Variants in AUTS2 observed in about 807,000 individuals in gnomAD.
The protein encoded by AUTS2 is activator of transcription and developmental regulator AUTS2.
Under a neutral mutation model 112.4 loss-of-function variants are expected in AUTS2, and 17 were observed. The ratio of observed to expected loss-of-function variants is 0.15; its 90% confidence interval spans 0.10 to 0.23. The LOEUF (loss-of-function observed/expected upper bound fraction) is 0.23. AUTS2 is among the 10% of genes least tolerant of loss of function. The probability of loss-of-function intolerance (pLI) is 1.00; values close to 1 mark genes in which losing one functional copy is unlikely to be tolerated. For synonymous variants in AUTS2, 751 were observed against 702.7 expected (o/e 1.07, Z -1.09); for missense variants, 1,510 against 1,701.6 (o/e 0.89, Z 1.98).
At chr7:70,514,386 C>T (rs1290423214) in intron 5 of AUTS2, among the ~76,000 whole-genome samples, 1 of 152,198 alleles carries the variant, frequency 6.6e-6, no homozygotes, top group East Asian at 1.9e-4. Flanking sequence ...ACAAGCATGG[C>T]ACCAGCATAT....
At chr7:70,772,161 G>A (rs950438447) in intron 11 of AUTS2, among the ~76,000 whole-genome samples, 1 of 152,142 alleles carries the variant, frequency 6.6e-6, no homozygotes, top group Non-Finnish European at 1.5e-5. Context: ...CGGCAGGTGG[G>A]GTGGTCGCCT....
chr7:70,775,062 G>A (rs1200344834), intron 12 of AUTS2: 2 of 420,440 alleles, frequency 4.8e-6, no homozygotes, highest in Non-Finnish European at 8.4e-6. Flanking sequence ...TCAAAACAGT[G>A]AAACTCCTGG....
intron 4 of AUTS2, among the ~76,000 whole-genome samples, chr7:70,222,773 G>A (rs1450263333): frequency 6.6e-6 from 1 of 151,884 alleles, no homozygotes; most frequent in African/African-American, 2.4e-5. Flanking sequence ...AGGAGAACTG[G>A]CTTTTATTGC....
chr7:70,472,000 C>G (rs1237674569), intron 5 of AUTS2, among the ~76,000 whole-genome samples: 1 of 152,124 alleles, frequency 6.6e-6, no homozygotes, highest in Non-Finnish European at 1.5e-5. Flanking sequence ...CTGGAGTCTG[C>G]CTTTGCCCTC....
At chr7:69,674,844 G>A (rs1352246824) in intron 1 of AUTS2, among the ~76,000 whole-genome samples, 1 of 152,158 alleles carries the variant, frequency 6.6e-6, no homozygotes, top group Non-Finnish European at 1.5e-5. Flanking sequence ...ATGCTCTGTG[G>A]TGAGGCTGTG....
At chr7:70,102,179 C>T (rs1185032966) in intron 2 of AUTS2, among the ~76,000 whole-genome samples, 6 of 142,090 alleles carry the variant, frequency 4.2e-5, no homozygotes, top group Admixed American at 1.5e-4. Flanking sequence ...AGTGCAGTGG[C>T]GTGATCTCGG....
At chr7:70,591,109 G>T (rs1161714270) in intron 5 of AUTS2, among the ~76,000 whole-genome samples, 1 of 152,176 alleles carries the variant, frequency 6.6e-6, no homozygotes, top group African/African-American at 2.4e-5. Flanking sequence ...TGTGTGACTT[G>T]AGTAAGGCTC....
intron 1 of AUTS2, among the ~76,000 whole-genome samples, chr7:69,643,026 A>G (rs1794860273): frequency 6.6e-6 from 1 of 152,192 alleles, no homozygotes; most frequent in East Asian, 1.9e-4. Context: ...CTATGGAAGC[A>G]TAAGCTACTG....
rs563318362 is a variant in AUTS2, at chr7:70,173,798, A to C, written c.660+39227A>C. 8.4e-5 allele frequency among the ~76,000 whole-genome samples: 9 copies of C among 106,622 alleles called. No homozygotes were observed. In the East Asian group the frequency reaches 2.5e-3, roughly 30 times the overall value. The allele number at this position is 106,622 out of a possible 152,430, so 69.9% of individuals were successfully genotyped here. A position where few individuals can be genotyped will look rare whatever the true frequency, so the allele number is the denominator to read the frequency against. On this transcript the variant is annotated intron_variant, in intron 4 of 18. Coordinates refer to ENST00000342771, the MANE Select transcript of AUTS2 (RefSeq NM_015570.4). ...CAGTGATCTTTGATGTTACTATTTT[A>C]GTTATTTTGGAGTGACATAAACCTC... is the stretch of plus-strand genomic sequence containing the variant.
intron 1 of AUTS2, among the ~76,000 whole-genome samples, chr7:69,854,992 T>C (rs1792654307): frequency 6.6e-6 from 1 of 152,216 alleles, no homozygotes; most frequent in African/African-American, 2.4e-5. Flanking sequence ...CATGGTCTAC[T>C]GTTTACTTTT....
chr7:70,027,155 A>G (rs1186318066), intron 2 of AUTS2, among the ~76,000 whole-genome samples: 5 of 152,056 alleles, frequency 3.3e-5, no homozygotes, highest in African/African-American at 4.8e-5. Flanking sequence ...TTGACTTTTG[A>G]TATTTTCAAC....
intron 1 of AUTS2, among the ~76,000 whole-genome samples, chr7:69,832,820 C>G (rs935095382): frequency 6.6e-6 from 1 of 152,088 alleles, no homozygotes; most frequent in South Asian, 2.1e-4. Flanking sequence ...CTAACAACAA[C>G]AAAAACATTA....
At chr7:70,189,934 G>A (rs964503100) in intron 4 of AUTS2, among the ~76,000 whole-genome samples, 3 of 152,112 alleles carry the variant, frequency 2.0e-5, no homozygotes, top group South Asian at 4.2e-4. Flanking sequence ...TGAAGGGCTC[G>A]TTTGGCCTTG....
chr7:70,346,977 G>C (rs779578197), intron 4 of AUTS2, among the ~76,000 whole-genome samples: 1 of 152,178 alleles, frequency 6.6e-6, no homozygotes, highest in Non-Finnish European at 1.5e-5. Flanking sequence ...GTTCAGCCAA[G>C]AGTCCGTGCC....
intron 2 of AUTS2, among the ~76,000 whole-genome samples, chr7:70,006,016 A>T (rs1297536571): frequency 6.6e-6 from 1 of 152,168 alleles, no homozygotes; most frequent in African/African-American, 2.4e-5. Flanking sequence ...AAGTGGAAAC[A>T]AATGCACGCA....
At chr7:70,386,924 T>A (rs1362235861) in intron 4 of AUTS2, among the ~76,000 whole-genome samples, 1 of 152,174 alleles carries the variant, frequency 6.6e-6, no homozygotes, top group Non-Finnish European at 1.5e-5. Flanking sequence ...TTTCCTCCTA[T>A]TTCTTCTTAT....
chr7:69,718,084 G>A (rs1481491871), intron 1 of AUTS2, among the ~76,000 whole-genome samples: 1 of 152,104 alleles, frequency 6.6e-6, no homozygotes, highest in Non-Finnish European at 1.5e-5. Context: ...TATGTTGTTG[G>A]TTTGGATAGA....
intron 5 of AUTS2, among the ~76,000 whole-genome samples, chr7:70,441,126 G>A (rs1294232696): frequency 6.6e-6 from 1 of 152,162 alleles, no homozygotes; most frequent in African/African-American, 2.4e-5. Context: ...TATACATGCA[G>A]TACACACATA....
intron 2 of AUTS2, among the ~76,000 whole-genome samples, chr7:69,971,600 C>T (rs960515867): frequency 7.2e-5 from 11 of 152,132 alleles, no homozygotes; most frequent in Admixed American, 5.2e-4. Context: ...GATAGCCATG[C>T]CTCTTTCCTT....
Sources: allele counts gnomAD v4.1 joint callset (sites outside exome capture counted in the v4.1 genomes callset), GRCh38; gene constraint gnomAD v4.1.1; transcripts MANE v1.5; gene names NCBI Gene and HGNC (gene_info 2026-07-23, HGNC 2026-07-21).